Variants in CSMD3 observed in about 807,000 individuals in gnomAD.
The protein encoded by CSMD3 is CUB and sushi domain-containing protein 3.
A neutral mutation model predicts 435.2 loss-of-function variants in CSMD3; 177 were observed. The ratio of observed to expected loss-of-function variants is 0.41; its 90% CI spans 0.36 to 0.46. The LOEUF (loss-of-function observed/expected upper bound fraction) is 0.46. Ranked by LOEUF, CSMD3 falls within the 20% of genes least tolerant of loss-of-function variation. CSMD3 has a pLI of 0.34. For missense variants in CSMD3, 4,265 were observed against 4,504.6 expected, an observed-to-expected ratio of 0.95 and a Z score of 1.52; for synonymous variants, 1,656 against 1,520.5, an observed-to-expected ratio of 1.09 and a Z score of -2.07.
intron 12 of CSMD3, among the ~76,000 whole-genome samples, chr8:112,828,674 A>G (rs1796968173): frequency 6.6e-6 from 1 of 152,202 alleles, no homozygotes; most frequent in Non-Finnish European, 1.5e-5. Context: ...CGAACTAATA[A>G]TTGAACATAT....
Position 112,224,427 on chromosome 8 carries a change from C to T in CSMD3, c.*344G>A. Reference sequence around the variant, plus strand: ...TACCCTATATCTTTTTTTTTAAACCCAGTCCCTCTAATATAGTTTATAAAG... The same window carrying T: ...TACCCTATATCTTTTTTTTTAAACCTAGTCCCTCTAATATAGTTTATAAAG... On this transcript the variant is annotated 3_prime_UTR_variant, in exon 71 of 71. Coordinates refer to ENST00000297405, the MANE Select transcript of CSMD3 (RefSeq NM_198123.2). 1.7e-5 allele frequency: 5 copies of T among 302,434 alleles called. No individual in the cohort carries two copies. The highest frequency in any genetic ancestry group is 3.3e-5 in the South Asian group (1 of 30,084). 18.7% of individuals were successfully genotyped at this position (302,434 alleles called of 1,614,324 possible).
At chr8:112,516,008 A>G (rs984558510) in intron 28 of CSMD3, among the ~76,000 whole-genome samples, 13 of 152,128 alleles carry the variant, frequency 8.5e-5, no homozygotes, top group Non-Finnish European at 1.6e-4. Flanking sequence ...GAGTTACAAG[A>G]TGGGGTAAAA....
intron 5 of CSMD3, among the ~76,000 whole-genome samples, chr8:113,052,344 A>C (rs2131331402): frequency 6.6e-6 from 1 of 152,350 alleles, no homozygotes; most frequent in Admixed American, 6.5e-5. Flanking sequence ...TTAAAAACTT[A>C]CATCTTCTAT....
intron 35 of CSMD3, among the ~76,000 whole-genome samples, chr8:112,404,731 A>G (rs559578567): frequency 1.6e-4 from 24 of 152,234 alleles, no homozygotes; most frequent in South Asian, 2.1e-4. Flanking sequence ...TCATATGGCA[A>G]AATGTGTTAT....
intron 32 of CSMD3, among the ~76,000 whole-genome samples, chr8:112,422,139 T>C (rs1197820309): frequency 2.6e-5 from 4 of 151,830 alleles, no homozygotes; most frequent in Non-Finnish European, 4.4e-5. Flanking sequence ...AAACTTAAGG[T>C]CAAACACAAC....
intron 3 of CSMD3, among the ~76,000 whole-genome samples, chr8:113,276,840 T>TG (rs2093574846): frequency 6.6e-6 from 1 of 152,052 alleles, no homozygotes; most frequent in African/African-American, 2.4e-5. Context: ...TCCTATATTT[T>TG]AAGTCAGCAC....
chr8:113,243,083 T>C (rs890933674), intron 3 of CSMD3, among the ~76,000 whole-genome samples: 1 of 151,930 alleles, frequency 6.6e-6, no homozygotes, highest in Non-Finnish European at 1.5e-5. Context: ...TTGATTTTCT[T>C]TGTTTTTAAT....
intron 7 of CSMD3, among the ~76,000 whole-genome samples, chr8:112,962,578 A>C (rs2084271236): frequency 6.6e-6 from 1 of 151,936 alleles, no homozygotes; most frequent in Non-Finnish European, 1.5e-5. Context: ...TAATTGCTTT[A>C]ATAAATAACA....
At chr8:112,388,014 C>T (rs1243001798) in intron 36 of CSMD3, among the ~76,000 whole-genome samples, 3 of 152,118 alleles carry the variant, frequency 2.0e-5, no homozygotes, top group African/African-American at 7.2e-5. Flanking sequence ...AGAACTTAAC[C>T]TTGTCTCAAG....
At chr8:113,055,744 AG>A (rs1287868008) in intron 5 of CSMD3, among the ~76,000 whole-genome samples, 1 of 152,192 alleles carries the variant, frequency 6.6e-6, no homozygotes, top group African/African-American at 2.4e-5. Context: ...TTGATTTTTC[AG>A]GGATAGCAGA....
At chr8:112,966,433 T>C (rs2084417545) in intron 7 of CSMD3, among the ~76,000 whole-genome samples, 1 of 151,574 alleles carries the variant, frequency 6.6e-6, no homozygotes, top group Admixed American at 6.6e-5. Context: ...TCAACTTTTG[T>C]ATACTTTTCT....
chr8:112,948,812 A>C (rs2130803030), intron 8 of CSMD3, among the ~76,000 whole-genome samples: 1 of 152,160 alleles, frequency 6.6e-6, no homozygotes, highest in South Asian at 2.1e-4. Flanking sequence ...AAACACAGGT[A>C]GATCTTTCTT....
chr8:112,248,053 C>T (rs552383095), intron 63 of CSMD3, among the ~76,000 whole-genome samples: 1 of 151,968 alleles, frequency 6.6e-6, no homozygotes. Context: ...AACAAGAAAA[C>T]AAATCACCAG....
chr8:112,343,803 T>C (rs1303125383), intron 41 of CSMD3, among the ~76,000 whole-genome samples: 2 of 152,092 alleles, frequency 1.3e-5, no homozygotes, highest in African/African-American at 4.8e-5. Flanking sequence ...GGCTCCACCA[T>C]GTGTGGCTAG....
chr8:113,152,615 C>T (rs1008515524), intron 4 of CSMD3, among the ~76,000 whole-genome samples: 2 of 152,064 alleles, frequency 1.3e-5, no homozygotes, highest in African/African-American at 4.8e-5. Context: ...CTTTAAAGCT[C>T]ATTCTAGTTT....
intron 45 of CSMD3, among the ~76,000 whole-genome samples, chr8:112,323,103 A>T (rs976732373): frequency 2.6e-5 from 4 of 151,976 alleles, no homozygotes; most frequent in African/African-American, 9.7e-5. Flanking sequence ...TCAGGGTTGA[A>T]CTATGTAATT....
chr8:112,445,244 CA>C (rs1170066151), intron 32 of CSMD3, among the ~76,000 whole-genome samples: 1 of 151,270 alleles, frequency 6.6e-6, no homozygotes, highest in Non-Finnish European at 1.5e-5. Context: ...TGTGGAGACT[CA>C]AAAAAACAAA....
chr8:112,845,375 G>T (rs528239996), intron 11 of CSMD3, among the ~76,000 whole-genome samples: 1 of 152,118 alleles, frequency 6.6e-6, no homozygotes, highest in African/African-American at 2.4e-5. Context: ...GGGAAGATAG[G>T]ACAGGCTTCT....
chr8:112,906,478 C>A (rs554028496), intron 10 of CSMD3, among the ~76,000 whole-genome samples: 1 of 151,422 alleles, frequency 6.6e-6, no homozygotes, highest in South Asian at 2.1e-4. Flanking sequence ...AAAAAAACGT[C>A]TCTAATAATT....
Sources: gnomAD v4.1 joint callset for allele counts (sites outside exome capture counted in the v4.1 genomes callset) on GRCh38, gnomAD v4.1.1 for gene constraint, MANE v1.5 for transcripts, NCBI Gene and HGNC (gene_info 2026-07-23, HGNC 2026-07-21) for gene names.